The following ZNF727 variants were observed in gnomAD, a reference collection of about 807,000 sequenced individuals.
ZNF727 encodes the protein putative zinc finger protein 727.
Under a neutral mutation model 11.5 loss-of-function variants are expected in ZNF727, and 11 were observed. The ratio of observed to expected loss-of-function variants is 0.95; its 90% confidence interval spans 0.60 to 1.58. The LOEUF (loss-of-function observed/expected upper bound fraction) is 1.58. Among genes scored for constraint, ZNF727 ranks in the 40% most tolerant of loss-of-function variants. ZNF727 has a pLI of 0.00. For synonymous variants in ZNF727, 171 were observed against 196.1 expected (o/e 0.87, Z 1.07); for missense variants, 533 against 581.7 (o/e 0.92, Z 0.86).
intron 1 of ZNF727, among the ~76,000 whole-genome samples, chr7:64,063,825 G>A (rs1789819418): frequency 1.3e-5 from 2 of 152,070 alleles, no homozygotes; most frequent in African/African-American, 2.4e-5. Flanking sequence ...TGGCTTAGCT[G>A]GCACCGAAGC....
intron 1 of ZNF727, among the ~76,000 whole-genome samples, chr7:64,046,625 A>G (rs1331068019): frequency 1.3e-5 from 2 of 152,252 alleles, no homozygotes; most frequent in African/African-American, 4.8e-5. Context: ...CCCCAGAAGC[A>G]GATGCTGGTG....
At chr7:64,046,541 A>G (rs1468211182) in intron 1 of ZNF727, among the ~76,000 whole-genome samples, 3 of 152,168 alleles carry the variant, frequency 2.0e-5, no homozygotes, top group African/African-American at 7.2e-5. Context: ...AAAAGTGTAT[A>G]GCAACCCCCT....
In ZNF727 at chr7:64,085,196, G is replaced by A. The variant is rs1487530822; in HGVS notation, c.*6647G>A. On this transcript the variant is annotated 3_prime_UTR_variant, in exon 4 of 4. Transcript: ENST00000456806. ...ATTTTCACATGTAATTTCACACTGA[G>A]TGTATTATTGTATGTTATTTAGTAT... 3.3e-5 allele frequency among the ~76,000 whole-genome samples: 5 copies of A among 152,076 alleles called. No homozygotes were observed. The highest frequency in any genetic ancestry group is 9.7e-5 in the African/African-American group (4 of 41,418).
At chr7:64,060,061 T>A (rs147196604) in intron 1 of ZNF727, among the ~76,000 whole-genome samples, 10 of 152,276 alleles carry the variant, frequency 6.6e-5, no homozygotes, top group African/African-American at 2.4e-4. Flanking sequence ...CAATTTAAAT[T>A]TTCATTGAAT....
intron 1 of ZNF727, among the ~76,000 whole-genome samples, chr7:64,046,791 T>C (rs1789514745): frequency 6.6e-6 from 1 of 152,216 alleles, no homozygotes; most frequent in Non-Finnish European, 1.5e-5. Flanking sequence ...TATCCAACTA[T>C]GGTTTGGGGG....
intron 1 of ZNF727, among the ~76,000 whole-genome samples, chr7:64,064,020 G>A (rs1789823519): frequency 1.3e-5 from 2 of 152,102 alleles, no homozygotes; most frequent in Admixed American, 6.6e-5. Flanking sequence ...TTTTGCTTCA[G>A]GGCAGTGGGT....
intron 1 of ZNF727, 33 bp downstream of exon 1, chr7:64,045,657 G>T: frequency 1.9e-6 from 3 of 1,557,668 alleles, no homozygotes; most frequent in Non-Finnish European, 2.6e-6. Context: ...CCGAGAAGGG[G>T]GAAGAGGCTG....
At chr7:64,054,406 C>T (rs749483063) in intron 1 of ZNF727, among the ~76,000 whole-genome samples, 4 of 152,198 alleles carry the variant, frequency 2.6e-5, no homozygotes, top group Non-Finnish European at 5.9e-5. Context: ...AGGCTCCCTA[C>T]AGGCACATAG....
intron 1 of ZNF727, among the ~76,000 whole-genome samples, chr7:64,058,432 A>G (rs1168466900): frequency 6.6e-6 from 1 of 151,984 alleles, no homozygotes; most frequent in Non-Finnish European, 1.5e-5. Flanking sequence ...TTGCATCTAC[A>G]TTTTCTTTGC....
chr7:64,058,875 C>T (rs189157376), intron 1 of ZNF727, among the ~76,000 whole-genome samples: 34 of 152,148 alleles, frequency 2.2e-4, no homozygotes, highest in African/African-American at 8.2e-4. Flanking sequence ...CTGAAGTGCC[C>T]CATGGAAGAC....
chr7:64,063,493 G>C (rs28852192), intron 1 of ZNF727, among the ~76,000 whole-genome samples: 29,121 of 144,134 alleles, frequency 0.2, 2,534 homozygotes, highest in South Asian at 0.24. Context: ...CTCTCTCTCT[G>C]CATGCTGAGC....
intron 3 of ZNF727, among the ~76,000 whole-genome samples, chr7:64,074,810 A>G (rs1039932240): frequency 2.6e-5 from 4 of 152,214 alleles, no homozygotes; most frequent in African/African-American, 9.6e-5. Context: ...CTCAGCTCAC[A>G]GAACGCATGA....
chr7:64,065,082 G>C (rs577110747), intron 1 of ZNF727, among the ~76,000 whole-genome samples: 10 of 152,238 alleles, frequency 6.6e-5, no homozygotes, highest in African/African-American at 2.4e-4. Context: ...TGTTTTATCT[G>C]GGGGATGGTT....
At position 64,045,443 on chromosome 7, in the gene ZNF727, A is replaced by C; in HGVS notation, c.-179A>C. On this transcript the variant is annotated 5_prime_UTR_variant, in exon 1 of 4. Coordinates refer to ENST00000456806, the MANE Select transcript of ZNF727 (RefSeq NM_001159522.3). The stretch of plus-strand genomic sequence containing the variant: ...CTAGAGAGGAAGAGGCGGGCTCTTC[A>C]ATATGGCAAGGCCTTCGTCTCCTAG... 1 of 863,224 alleles carries C rather than the reference A, an allele frequency of 1.2e-6. No homozygotes were observed. The highest frequency in any genetic ancestry group is 1.9e-6 in the Non-Finnish European group (1 of 527,814). The allele number at this position is 863,224 out of a possible 1,614,324, so 53.5% of individuals were successfully genotyped here. A position where few individuals can be genotyped will look rare whatever the true frequency, so the allele number is the denominator to read the frequency against.
chr7:64,067,145 A>C (rs1051132665), intron 1 of ZNF727, among the ~76,000 whole-genome samples: 35 of 152,204 alleles, frequency 2.3e-4, no homozygotes, highest in African/African-American at 8.2e-4. Flanking sequence ...ACATGAAAAA[A>C]AACTCATCAT....
chr7:64,076,737 C>T (rs1481859160), intron 3 of ZNF727, among the ~76,000 whole-genome samples: 2 of 152,138 alleles, frequency 1.3e-5, no homozygotes, highest in Non-Finnish European at 1.5e-5. Context: ...GTTTCTATTT[C>T]TTTACTTCTT....
At chr7:64,065,297 C>G (rs909021064) in intron 1 of ZNF727, among the ~76,000 whole-genome samples, 14 of 152,130 alleles carry the variant, frequency 9.2e-5, no homozygotes, top group Non-Finnish European at 1.6e-4. Flanking sequence ...CAGGTCACTG[C>G]GGCCCATATT....
In ZNF727 at chr7:64,085,065, CATAAT is replaced by C. The variant is rs1483249943; in HGVS notation, c.*6520_*6524del. On this transcript the variant is annotated 3_prime_UTR_variant, in exon 4 of 4. Transcript: ENST00000456806. ...CTGTTTTCTTGTTGTTCACCATAGG[CATAAT>C]ATATCATTTTCTTGTCATCTAATTT... 2.0e-5 allele frequency among the ~76,000 whole-genome samples: 3 copies of C among 152,060 alleles called. No homozygotes were observed. Among genetic ancestry groups the C allele is most frequent in the Non-Finnish European group, 4.4e-5 (3 of 67,978 alleles).
rs542364337 is a variant in ZNF727 at position 64,056,810 on chromosome 7, G to A, written c.3+11186G>A. On this transcript the variant is annotated intron_variant, in intron 1 of 3. Coordinates refer to ENST00000456806, the MANE Select transcript of ZNF727 (RefSeq NM_001159522.3). Reference sequence around the variant, plus strand: ...TAATTCTTAGTAAGGCCTTTCTAGGGCCACCTAAACTTACAGTCTTTAACC... The same window carrying A: ...TAATTCTTAGTAAGGCCTTTCTAGGACCACCTAAACTTACAGTCTTTAACC... 3.7e-3 allele frequency among the ~76,000 whole-genome samples: 560 copies of A among 152,030 alleles called. 2 individuals are homozygous for A. Among genetic ancestry groups the A allele is most frequent in the Non-Finnish European group, 6.1e-3 (413 of 67,976 alleles).
Sources: gnomAD v4.1 joint callset for allele counts (sites outside exome capture counted in the v4.1 genomes callset) on GRCh38, gnomAD v4.1.1 for gene constraint, MANE v1.5 for transcripts, NCBI Gene and HGNC (gene_info 2026-07-23, HGNC 2026-07-21) for gene names.